Variants in C5AR1 observed in about 807,000 individuals in gnomAD.
C5AR1 encodes complement C5a receptor 1, also known as C5a anaphylatoxin chemotactic receptor 1.
C5AR1 carries 4 observed loss-of-function variants against 2.4 expected under a neutral mutation model. That is an observed-to-expected ratio of 1.65 (90% CI 0.81 to 3.77). C5AR1 has a LOEUF of 3.77. C5AR1 is among the 30% of genes most tolerant of loss of function. The pLI is 0.01. For missense variants in C5AR1, 418 were observed against 462.5 expected, an observed-to-expected ratio of 0.90 and a Z score of 0.88; for synonymous variants, 209 against 210.4, an observed-to-expected ratio of 0.99 and a Z score of 0.06.
chr19:47,319,285 A>G lies in C5AR1; in HGVS notation c.4-496A>G, dbSNP rs2059300202. Among the ~76,000 whole-genome samples, 4 of 146,438 alleles carry G rather than the reference A, an allele frequency of 2.7e-5. No homozygotes were observed. The Admixed American group carries it at 2.8e-4, about 10-fold the overall frequency. ...AGGTGGCAGACTGGCAAGGGGTCCA[A>G]CTAGCATGGAATCATTTCATTTTTT... On this transcript the variant is annotated intron_variant, in intron 1 of 1. Coordinates refer to ENST00000355085, the MANE Select transcript of C5AR1 (RefSeq NM_001736.4).
chr19:47,312,298 C>G (rs1039949221), intron 1 of C5AR1, among the ~76,000 whole-genome samples: 6 of 152,160 alleles, frequency 3.9e-5, no homozygotes, highest in African/African-American at 1.2e-4. Context: ...GTTGGCCAGG[C>G]TGGTCTTGAA....
chr19:47,309,976 C>T (rs1202446670), intron 1 of C5AR1, 78 bp downstream of exon 1: 1 of 1,442,868 alleles, frequency 6.9e-7, no homozygotes, highest in Non-Finnish European at 9.6e-7. Context: ...GTCCTTCTCT[C>T]TCCCCAACTC....
rs201265074 is a variant in C5AR1, at chr19:47,320,877, G to A, written c.*47G>A. On this transcript the variant is annotated 3_prime_UTR_variant, in exon 2 of 2. Coordinates refer to ENST00000355085, the MANE Select transcript of C5AR1 (RefSeq NM_001736.4). This position sits in a 1 kb window ranked among gnomAD's most constrained non-coding sequence, Gnocchi z 4.9. ...GTGGCCCGATGTCCCCTTCCTTCCC[G>A]GCCATTCTCCCTCTTGTTTTCACTT... is the stretch of plus-strand genomic sequence containing the variant. The A allele has an allele frequency of 6.6e-5, 100 of 1,510,752 alleles. No individual in the cohort carries two copies. The highest frequency in any genetic ancestry group is 8.2e-5 in the Non-Finnish European group (91 of 1,112,960). 93.6% of individuals were successfully genotyped at this position (1,510,752 alleles called of 1,614,324 possible).
At chr19:47,309,596 A>AT (rs1162811412), upstream of C5AR1, among the ~76,000 whole-genome samples, 1 of 147,450 alleles carries the variant, frequency 6.8e-6, no homozygotes, top group African/African-American at 2.5e-5. Flanking sequence ...AAAAAATGAG[A>AT]GAGAAGAGAT....
intron 1 of C5AR1, among the ~76,000 whole-genome samples, chr19:47,317,211 A>AAAAG (rs1568660788): frequency 7.0e-6 from 1 of 142,858 alleles, no homozygotes; most frequent in Non-Finnish European, 1.5e-5. Context: ...AAAAAAAAAA[A>AAAAG]AAATATAAAA....
chr19:47,317,232 C>A (rs372944876), intron 1 of C5AR1, among the ~76,000 whole-genome samples: 1 of 148,326 alleles, frequency 6.7e-6, no homozygotes, highest in Admixed American at 6.8e-5. Flanking sequence ...CGGGGCTGGG[C>A]GTGGTGGTTC....
chr19:47,310,687 G>A (rs183652578), intron 1 of C5AR1, among the ~76,000 whole-genome samples: 1 of 152,262 alleles, frequency 6.6e-6, no homozygotes, highest in Admixed American at 6.5e-5. Flanking sequence ...TGTAGAGATG[G>A]GTTCTTGCTA....
chr19:47,321,935 C>G lies in C5AR1; in HGVS notation c.*1105C>G, dbSNP rs2059312204. On this transcript the variant is annotated 3_prime_UTR_variant, in exon 2 of 2. Transcript: ENST00000355085. ...TCCCTAACCCCTGGCAACCAGGAATCCACTCTCCATTTCTATAATGTTGTC... is the reference window on the plus strand; with the variant it reads ...TCCCTAACCCCTGGCAACCAGGAATGCACTCTCCATTTCTATAATGTTGTC... 6.6e-6 allele frequency: 1 copy of G among 151,780 alleles called. No individual in the cohort carries two copies. Among genetic ancestry groups the G allele is most frequent in the Non-Finnish European group, 1.5e-5 (1 of 67,990 alleles). The allele number at this position is 151,780 out of a possible 1,614,324, so 9.4% of individuals were successfully genotyped here. A position where few individuals can be genotyped will look rare whatever the true frequency, so the allele number is the denominator to read the frequency against.
At position 47,320,643 on chromosome 19, in the gene C5AR1, C is replaced by T. The variant is rs1337660199; in HGVS notation, c.866C>T (p.Ala289Val). 1.9e-6 allele frequency: 3 copies of T among 1,614,118 alleles called. No homozygotes were observed. Among genetic ancestry groups the T allele is most frequent in the South Asian group, 1.1e-5 (1 of 91,084 alleles). The change falls in exon 2 of 2, where the codon GCC (alanine) becomes GTC (valine). Residue 289 changes from alanine to valine, a missense_variant. By Grantham distance (64) the Ala-to-Val change is moderately conservative. Transcript: ENST00000355085. This position sits in a 1 kb window ranked among gnomAD's most constrained non-coding sequence, Gnocchi z 4.9. ...CTGGACTCCCTGTGTGTCTCCTTTG[C>T]CTACATCAACTGCTGCATCAACCCC... ...KKLDSLCVSF[A>V]YINCCINPII...
At chr19:47,317,188 G>A (rs1374600945) in intron 1 of C5AR1, among the ~76,000 whole-genome samples, 8 of 133,968 alleles carry the variant, frequency 6.0e-5, no homozygotes, top group South Asian at 2.5e-4. Flanking sequence ...TCAAGACCCC[G>A]TCTCAAAAAA....
intron 1 of C5AR1, among the ~76,000 whole-genome samples, chr19:47,313,481 G>A (rs2059277050): frequency 1.3e-5 from 2 of 151,094 alleles, no homozygotes; most frequent in Admixed American, 6.6e-5. Context: ...GGGCGCGGTG[G>A]CTCATGCCTG....
rs200329556 is a variant in C5AR1, at chr19:47,321,058, A to T, written c.*228A>T. 3.2e-5 allele frequency: 5 copies of T among 154,318 alleles called. No individual in the cohort carries two copies. Among genetic ancestry groups the T allele is most frequent in the African/African-American group, 1.6e-4 (2 of 12,706 alleles). The allele number at this position is 154,318 out of a possible 1,614,324, so 9.6% of individuals were successfully genotyped here. A position where few individuals can be genotyped will look rare whatever the true frequency, so the allele number is the denominator to read the frequency against. On this transcript the variant is annotated 3_prime_UTR_variant, in exon 2 of 2. Transcript: ENST00000355085. ...TCTAGGGAGCACCCTCCCACCCCCC[A>T]CCCCCCCCACACACACCATCTTTCC...
chr19:47,308,083 G>A (rs970707002), upstream of C5AR1, among the ~76,000 whole-genome samples: 2 of 151,672 alleles, frequency 1.3e-5, no homozygotes, highest in African/African-American at 4.8e-5. Flanking sequence ...TGCAGTGGTA[G>A]GCACCTGTAG....
rs374799160 is a variant in C5AR1, at chr19:47,320,178, G to A, written c.401G>A (p.Arg134His). 23 of 1,614,038 alleles carry A rather than the reference G, an allele frequency of 1.4e-5. No individual in the cohort carries two copies. Among genetic ancestry groups the A allele is most frequent in the African/African-American group, 4.0e-5 (3 of 74,928 alleles). Reference protein sequence around the residue: ...ILLLATISADRFLLVFKPIWC... With the variant: ...ILLLATISADHFLLVFKPIWC... Reference sequence around the variant, plus strand: ...CTCCTGGCCACCATCAGCGCCGACCGCTTTCTGCTGGTGTTTAAACCCATC... The same window carrying A: ...CTCCTGGCCACCATCAGCGCCGACCACTTTCTGCTGGTGTTTAAACCCATC... The change falls in exon 2 of 2, where the codon CGC becomes CAC. Residue 134 changes from arginine to histidine, a missense_variant. Physicochemically the swap from Arg to His is conservative, Grantham distance 29. Coordinates refer to ENST00000355085, the MANE Select transcript of C5AR1 (RefSeq NM_001736.4). The surrounding 1 kb of genome is among the most constrained non-coding windows in gnomAD (Gnocchi z 4.9).
chr19:47,317,014 CA>C (rs1043662427), intron 1 of C5AR1, among the ~76,000 whole-genome samples: 336 of 122,508 alleles, frequency 2.7e-3, no homozygotes, highest in Middle Eastern at 9.3e-3. Context: ...CCATCTCTAC[CA>C]AAAAAAAAAA....
At position 47,320,345 on chromosome 19, in the gene C5AR1, G is replaced by A. The variant is rs201428754; in HGVS notation, c.568G>A (p.Val190Met). 1.7e-5 allele frequency: 27 copies of A among 1,609,738 alleles called. No individual in the cohort carries two copies. In the Middle Eastern group the frequency reaches 1.2e-3, roughly 69 times the overall value. Residue 190 changes from valine (V) to methionine (M), a missense_variant, in exon 2 of 2, where the codon GTG (valine) becomes ATG (methionine). Coordinates refer to ENST00000355085, the MANE Select transcript of C5AR1 (RefSeq NM_001736.4). This position sits in a 1 kb window ranked among gnomAD's most constrained non-coding sequence, Gnocchi z 4.9. ...CTTTCCACCAAAGGTGTTGTGTGGCGTGGACTACAGCCACGACAAACGGCG... is the reference window on the plus strand; with the variant it reads ...CTTTCCACCAAAGGTGTTGTGTGGCATGGACTACAGCCACGACAAACGGCG... ...EYFPPKVLCG[V>M]DYSHDKRRER...
At chr19:47,313,020 C>T (rs1475426084) in intron 1 of C5AR1, among the ~76,000 whole-genome samples, 1 of 152,120 alleles carries the variant, frequency 6.6e-6, no homozygotes, top group Non-Finnish European at 1.5e-5. Flanking sequence ...TGTCACCCAG[C>T]CTGGAGGGCA....
Position 47,320,840 on chromosome 19 carries a change from T to C in C5AR1, c.*10T>C. On this transcript the variant is annotated 3_prime_UTR_variant, in exon 2 of 2. Transcript: ENST00000355085. This position sits in a 1 kb window ranked among gnomAD's most constrained non-coding sequence, Gnocchi z 4.9. Reference sequence around the variant, plus strand: ...GACCCAGGCAGTGTAGGCGACAGCCTCATGGGCCACTGTGGCCCGATGTCC... The same window carrying C: ...GACCCAGGCAGTGTAGGCGACAGCCCCATGGGCCACTGTGGCCCGATGTCC... 6.3e-7 allele frequency: 1 copy of C among 1,595,046 alleles called. No homozygotes were observed. Among genetic ancestry groups the C allele is most frequent in the South Asian group, 1.1e-5 (1 of 90,108 alleles).
chr19:47,308,502 G>A (rs2059260519), upstream of C5AR1, among the ~76,000 whole-genome samples: 1 of 151,686 alleles, frequency 6.6e-6, no homozygotes, highest in Middle Eastern at 3.4e-3. Flanking sequence ...ATTTTCTATT[G>A]CCAACTTTAT....
Sources: allele counts gnomAD v4.1 joint callset (sites outside exome capture counted in the v4.1 genomes callset), GRCh38; gene constraint gnomAD v4.1.1; non-coding constraint Gnocchi (gnomAD v3.1); transcripts MANE v1.5; gene names NCBI Gene and HGNC (gene_info 2026-07-23, HGNC 2026-07-21).